The following MUC17 variants were observed in gnomAD, a reference collection of about 807,000 sequenced individuals.
MUC17 encodes the protein mucin 17, cell surface associated.
A neutral mutation model predicts 170.3 loss-of-function variants in MUC17; 190 were observed. The ratio of observed to expected loss-of-function variants is 1.12; its 90% CI spans 0.99 to 1.26. The LOEUF (loss-of-function observed/expected upper bound fraction) is 1.26, where lower values mean the gene tolerates loss of function less well. MUC17 is among the 50% of genes most tolerant of loss of function. The pLI, the probability that MUC17 is intolerant of heterozygous loss-of-function variation, is 0.00. For missense variants in MUC17, 6,415 were observed against 5,530.0 expected (o/e 1.16, Z -5.08); for synonymous variants, 2,325 against 2,002.5 (o/e 1.16, Z -4.30).
chr7:101,039,883 G>A lies in MUC17; in HGVS notation c.8467G>A (p.Ala2823Thr), dbSNP rs746037093. Residue 2823 changes from alanine to threonine, a missense_variant, in exon 3 of 13, where the codon GCC becomes ACC. Coordinates refer to ENST00000306151, the MANE Select transcript of MUC17 (RefSeq NM_001040105.2). ...TSMPVNHTPV[A>T]SSEAGTLSTT... ...TATGCCTGTCAACCACACGCCAGTGGCCAGTTCTGAGGCTGGCACCCTTTC... is the reference window on the plus strand; with the variant it reads ...TATGCCTGTCAACCACACGCCAGTGACCAGTTCTGAGGCTGGCACCCTTTC... The A allele has an allele frequency of 4.3e-6, 7 of 1,612,414 alleles. 1 individual carries two copies. Among genetic ancestry groups the A allele is most frequent in the Middle Eastern group, 1.6e-4 (1 of 6,080 alleles).
At position 101,048,071 on chromosome 7, in the gene MUC17, A is replaced by G. The variant is rs750261118; in HGVS notation, c.12491A>G (p.Tyr4164Cys). 3.7e-6 allele frequency: 6 copies of G among 1,604,768 alleles called. No individual in the cohort carries two copies. Among genetic ancestry groups the G allele is most frequent in the African/African-American group, 2.7e-5 (2 of 74,282 alleles). The change falls in exon 4 of 13, where the codon TAT becomes TGT. Residue 4164 changes from tyrosine to cysteine, a missense_variant. Physicochemically the swap from Tyr to Cys is radical, Grantham distance 194. Coordinates refer to ENST00000306151, the MANE Select transcript of MUC17 (RefSeq NM_001040105.2). ...DGLKCQCPNL[Y>C]YGELCEEVVS... ...CTCAAGTGCCAGTGTCCCAACCTCT[A>G]TTATGGGGAGTTGTGTGAGGAGGTG... is the stretch of plus-strand genomic sequence containing the variant.
rs375655258 is a variant in MUC17, at chr7:101,031,961, T to C, written c.545T>C (p.Val182Ala). 1 of 1,614,120 alleles carries C rather than the reference T, an allele frequency of 6.2e-7. No homozygotes were observed. Among genetic ancestry groups the C allele is most frequent in the East Asian group, 2.2e-5 (1 of 44,892 alleles). ...GCCTACACATCTTTAACATATAAGG[T>C]TGATATGAGCACACCTCTGACCACT... The part of the protein sequence containing the change: ...FEAYTSLTYK[V>A]DMSTPLTTST... Residue 182 changes from valine to alanine, a missense_variant, in exon 3 of 13, where the codon GTT becomes GCT. Transcript: ENST00000306151.
chr7:101,024,153 C>T (rs1397680132), intron 1 of MUC17, among the ~76,000 whole-genome samples: 1 of 151,966 alleles, frequency 6.6e-6, no homozygotes, highest in Non-Finnish European at 1.5e-5. Context: ...GTAATCCCAG[C>T]CCTTTGGGAG....
rs1794451235 is a variant in MUC17, at chr7:101,035,712, A to G, written c.4296A>G (p.Glu1432=). The change falls in exon 3 of 13, where the codon GAA becomes GAG. Residue 1432 remains glutamate (E), a synonymous_variant. Transcript: ENST00000306151. Reference sequence around the variant, plus strand: ...GCACCCCTGGGACCACTTCTGCTGAAGCCACTTCATCTCCTACAACTGCTG... The same window carrying G: ...GCACCCCTGGGACCACTTCTGCTGAGGCCACTTCATCTCCTACAACTGCTG... The part of the protein sequence containing the change: ...DTSTPGTTSA[E]ATSSPTTAEG... The G allele has an allele frequency of 6.2e-7, 1 of 1,609,196 alleles. No individual in the cohort carries two copies. The highest frequency in any genetic ancestry group is 1.3e-5 in the African/African-American group (1 of 74,938).
At position 101,032,493 on chromosome 7, in the gene MUC17, T is replaced by A; in HGVS notation, c.1077T>A (p.Val359=). ...SEMSTLSITP[V]DTSTLVTTST... ...TGAGCACACTTTCAATAACTCCTGTTGACACCAGCACACTTGTGACCACTT... is the reference window on the plus strand; with the variant it reads ...TGAGCACACTTTCAATAACTCCTGTAGACACCAGCACACTTGTGACCACTT... The change falls in exon 3 of 13, where the codon GTT becomes GTA. Residue 359 remains valine (V), a synonymous_variant. Transcript: ENST00000306151. The A allele has an allele frequency of 6.2e-7, 1 of 1,614,182 alleles. No homozygotes were observed. The highest frequency in any genetic ancestry group is 8.5e-7 in the Non-Finnish European group (1 of 1,180,012).
In MUC17 at chr7:101,032,134, C is replaced by T. The variant is rs748941063; in HGVS notation, c.718C>T (p.Pro240Ser). ...AGAGGCTATCACCCTTTTGACAACT[C>T]CTGTTGAAATCAGCACACCTGTGAC... is the stretch of plus-strand genomic sequence containing the variant. ...SSEAITLLTTPVEISTPVTIS... is the reference protein window; with the variant it reads ...SSEAITLLTTSVEISTPVTIS... Residue 240 changes from proline to serine, a missense_variant, in exon 3 of 13, where the codon CCT becomes TCT. Pro to Ser is a moderately conservative substitution (Grantham distance 74). Transcript: ENST00000306151. 4 of 1,613,664 alleles carry T rather than the reference C, an allele frequency of 2.5e-6. No homozygotes were observed. The highest frequency in any genetic ancestry group is 2.5e-6 in the Non-Finnish European group (3 of 1,179,936).
At chr7:101,026,432 C>G (rs1044179417) in intron 1 of MUC17, among the ~76,000 whole-genome samples, 1 of 152,200 alleles carries the variant, frequency 6.6e-6, no homozygotes, top group African/African-American at 2.4e-5. Flanking sequence ...GGTAGCCAAC[C>G]CCAGCCACTA....
Position 101,056,288 on chromosome 7 carries a change from G to A in MUC17, c.13440+18G>A, listed in dbSNP as rs372914268. On this transcript the variant is annotated intron_variant, in intron 12 of 12. Transcript: ENST00000306151. Reference sequence around the variant, plus strand: ...AAACAAAGGTAAGAAGGGCCTGGATGGGATGCTGGCCTCCCCCAACCCTGC... The same window carrying A: ...AAACAAAGGTAAGAAGGGCCTGGATAGGATGCTGGCCTCCCCCAACCCTGC... 101 of 1,612,914 alleles carry A rather than the reference G, an allele frequency of 6.3e-5. No homozygotes were observed. Among genetic ancestry groups the A allele is most frequent in the Non-Finnish European group, 8.3e-5 (98 of 1,179,474 alleles).
rs752728001 is a variant in MUC17, at chr7:101,043,208, A to T, written c.11792A>T (p.Glu3931Val). The change falls in exon 3 of 13, where the codon GAA becomes GTA. Residue 3931 changes from glutamate (E) to valine (V), a missense_variant. By Grantham distance (121) the Glu-to-Val change is moderately radical. Coordinates refer to ENST00000306151, the MANE Select transcript of MUC17 (RefSeq NM_001040105.2). Reference sequence around the variant, plus strand: ...ACCATATCTGTATCAGTGATCACAGAAGGAAGCACACCTGGGACAACCATT... The same window carrying T: ...ACCATATCTGTATCAGTGATCACAGTAGGAAGCACACCTGGGACAACCATT... ...ATTISVSVIT[E>V]GSTPGTTIFI... 2 of 1,614,152 alleles carry T rather than the reference A, an allele frequency of 1.2e-6. No individual in the cohort carries two copies. Among genetic ancestry groups the T allele is most frequent in the East Asian group, 2.2e-5 (1 of 44,876 alleles).
Position 101,038,555 on chromosome 7 carries a change from C to T in MUC17, c.7139C>T (p.Thr2380Ile), listed in dbSNP as rs753343684. ...TATTCTCAAGCCGGTTCATCTCCTACAACTGCTGACGATACTAGCATGCCA... is the reference window on the plus strand; with the variant it reads ...TATTCTCAAGCCGGTTCATCTCCTATAACTGCTGACGATACTAGCATGCCA... The part of the protein sequence containing the change: ...TTYSQAGSSP[T>I]TADDTSMPTS... Residue 2380 changes from threonine (T) to isoleucine (I), a missense_variant, in exon 3 of 13, where the codon ACA becomes ATA. By Grantham distance (89) the Thr-to-Ile change is moderately conservative (BLOSUM62 -1). Coordinates refer to ENST00000306151, the MANE Select transcript of MUC17 (RefSeq NM_001040105.2). 5.8e-5 allele frequency: 93 copies of T among 1,614,038 alleles called. 1 individual carries two copies. The highest frequency in any genetic ancestry group is 1.7e-4 in the Admixed American group (10 of 60,002).
At chr7:101,054,077 AAAAAAAAAAAAAAAAG>A in intron 11 of MUC17, among the ~76,000 whole-genome samples, 1 of 148,358 alleles carries the variant, frequency 6.7e-6, no homozygotes, top group Non-Finnish European at 1.5e-5. Context: ...AAAAAAAAAA[AAAAAAAAAAAAAAAAG>A]AGTACATAGG....
chr7:101,043,008 A>G lies in MUC17; in HGVS notation c.11592A>G (p.Ile3864Met), dbSNP rs750249763. 1.9e-5 allele frequency: 31 copies of G among 1,613,712 alleles called. No homozygotes were observed. The highest frequency in any genetic ancestry group is 2.5e-5 in the Non-Finnish European group (29 of 1,179,944). The change falls in exon 3 of 13, where the codon ATA (isoleucine) becomes ATG (methionine). Residue 3864 changes from isoleucine to methionine, a missense_variant. Ile to Met is a conservative substitution (Grantham distance 10). Coordinates refer to ENST00000306151, the MANE Select transcript of MUC17 (RefSeq NM_001040105.2). ...CCATACCTGCTGAAGTCACTACCAT[A>G]CGTATTTCAATTACCAGTGAAAGAA... Reference protein sequence around the residue: ...SFSIPAEVTTIRISITSERST... With the variant: ...SFSIPAEVTTMRISITSERST...
intron 5 of MUC17, 151 bp from the exon 6 acceptor site, chr7:101,049,173 G>C: frequency 7.3e-7 from 1 of 1,374,256 alleles, no homozygotes; most frequent in East Asian, 2.3e-5. Context: ...CCCCTGGGGT[G>C]GAGCAGGTCT....
In MUC17 at chr7:101,032,905, G is replaced by C; in HGVS notation, c.1489G>C (p.Glu497Gln). 14 of 1,613,852 alleles carry C rather than the reference G, an allele frequency of 8.7e-6. No homozygotes were observed. The highest frequency in any genetic ancestry group is 1.3e-5 in the African/African-American group (1 of 74,928). Residue 497 changes from glutamate to glutamine, a missense_variant, in exon 3 of 13, where the codon GAA becomes CAA. Transcript: ENST00000306151. ...TEASSSPPTA[E>Q]VNSMPTSTPS... ...AGCCAGTTCATCTCCTCCAACTGCT[G>C]AAGTTAACAGCATGCCAACCTCAAC...
In MUC17 at chr7:101,020,089, C is replaced by A; in HGVS notation, c.-47C>A. The A allele has an allele frequency of 6.6e-7, 1 of 1,525,290 alleles. No individual in the cohort carries two copies. The highest frequency in any genetic ancestry group is 8.9e-7 in the Non-Finnish European group (1 of 1,128,890). The allele number at this position is 1,525,290 out of a possible 1,614,324, so 94.5% of individuals were successfully genotyped here. A position where few individuals can be genotyped will look rare whatever the true frequency, so the allele number is the denominator to read the frequency against. On this transcript the variant is annotated 5_prime_UTR_variant, in exon 1 of 13. Coordinates refer to ENST00000306151, the MANE Select transcript of MUC17 (RefSeq NM_001040105.2). Reference sequence around the variant, plus strand: ...TTTCCTTCTCTGAGGCTCATTTCGCCAGCTCCTCTGGGGGTGACAGGCAAG... The same window carrying A: ...TTTCCTTCTCTGAGGCTCATTTCGCAAGCTCCTCTGGGGGTGACAGGCAAG...
rs757099131 is a variant in MUC17, at chr7:101,038,003, C to G, written c.6587C>G (p.Thr2196Ser). The change falls in exon 3 of 13, where the codon ACT (threonine) becomes AGT (serine). Residue 2196 changes from threonine (T) to serine (S), a missense_variant. By Grantham distance (58) the Thr-to-Ser change is moderately conservative. Coordinates refer to ENST00000306151, the MANE Select transcript of MUC17 (RefSeq NM_001040105.2). ...ACCAGCACACCTGTGACCAATTCTA[C>G]TGAAGCCCGTTCATCTCCTACAACT... ...VDTSTPVTNS[T>S]EARSSPTTSE... 5 of 1,608,124 alleles carry G rather than the reference C, an allele frequency of 3.1e-6. No homozygotes were observed. Among genetic ancestry groups the G allele is most frequent in the Non-Finnish European group, 4.2e-6 (5 of 1,176,884 alleles).
intron 1 of MUC17, among the ~76,000 whole-genome samples, chr7:101,030,377 A>G (rs1233642180): frequency 6.6e-6 from 1 of 151,846 alleles, no homozygotes; most frequent in African/African-American, 2.4e-5. Context: ...TGCACATGCC[A>G]CCATGCCCAG....
In MUC17 at chr7:101,037,018, G is replaced by A. The variant is rs111850657; in HGVS notation, c.5602G>A (p.Ala1868Thr). The change falls in exon 3 of 13, where the codon GCA becomes ACA. Residue 1868 changes from alanine to threonine, a missense_variant. Transcript: ENST00000306151. Reference sequence around the variant, plus strand: ...CTCAACGCCTAGTGAAGGAAGCACTGCATTAACAAGTATACCTGTCAGCAC... The same window carrying A: ...CTCAACGCCTAGTGAAGGAAGCACTACATTAACAAGTATACCTGTCAGCAC... ...ATSTPSEGST[A>T]LTSIPVSTTT... 1.3e-6 allele frequency: 2 copies of A among 1,533,144 alleles called. No homozygotes were observed. Among genetic ancestry groups the A allele is most frequent in the Non-Finnish European group, 1.7e-6 (2 of 1,151,812 alleles). 95.0% of individuals were successfully genotyped at this position (1,533,144 alleles called of 1,614,324 possible).
chr7:101,056,345 G>A, intron 12 of MUC17, 75 bp downstream of exon 12: 1 of 1,576,390 alleles, frequency 6.3e-7, no homozygotes, highest in Non-Finnish European at 8.6e-7. Flanking sequence ...TACATGGTAG[G>A]ACCTTCAGAA....
Sources: gnomAD v4.1 joint callset for allele counts (sites outside exome capture counted in the v4.1 genomes callset) on GRCh38, gnomAD v4.1.1 for gene constraint, MANE v1.5 for transcripts, NCBI Gene and HGNC (gene_info 2026-07-23, HGNC 2026-07-21) for gene names.